Variants in TMEM163 observed in about 807,000 individuals in gnomAD.
TMEM163 encodes transmembrane protein 163.
Under a neutral mutation model 29.3 loss-of-function variants are expected in TMEM163, and 17 were observed. The ratio of observed to expected loss-of-function variants is 0.58; its 90% CI spans 0.40 to 0.87. TMEM163 has a LOEUF of 0.87. TMEM163 is among the 40% of genes least tolerant of loss of function. TMEM163 has a pLI of 0.00. For missense variants in TMEM163, 303 were observed against 381.5 expected (o/e 0.79, Z 1.71); for synonymous variants, 157 against 160.6 (o/e 0.98, Z 0.17).
chr2:134,506,671 G>A (rs1679830953), intron 4 of TMEM163, among the ~76,000 whole-genome samples: 2 of 152,176 alleles, frequency 1.3e-5, no homozygotes, highest in Non-Finnish European at 2.9e-5. Context: ...GAAAGCTCTG[G>A]GCAGCCACAT....
intron 2 of TMEM163, among the ~76,000 whole-genome samples, chr2:134,575,165 G>A (rs1210721409): frequency 6.6e-6 from 1 of 152,150 alleles, no homozygotes; most frequent in Non-Finnish European, 1.5e-5. Flanking sequence ...CACAGCTTGA[G>A]TGGGAAGAAT....
At chr2:134,609,006 C>T (rs1312724112) in intron 2 of TMEM163, among the ~76,000 whole-genome samples, 13 of 97,274 alleles carry the variant, frequency 1.3e-4, no homozygotes, top group Non-Finnish European at 2.5e-4. Context: ...AAGGACAGAC[C>T]CCGAGAACTG....
chr2:134,523,926 A>G (rs1281881055), intron 4 of TMEM163, among the ~76,000 whole-genome samples: 1 of 152,174 alleles, frequency 6.6e-6, no homozygotes, highest in Admixed American at 6.5e-5. Context: ...TGTTGACAGC[A>G]TCTAGTGGGT....
chr2:134,593,941 A>G (rs1243570242), intron 2 of TMEM163, among the ~76,000 whole-genome samples: 1 of 152,020 alleles, frequency 6.6e-6, no homozygotes, highest in Non-Finnish European at 1.5e-5. Context: ...CAGGGGAGGC[A>G]TAGAAACCAA....
intron 2 of TMEM163, among the ~76,000 whole-genome samples, chr2:134,570,489 T>TATACAC (rs780030104): frequency 0.012 from 1,607 of 134,014 alleles, 30 homozygotes; most frequent in African/African-American, 0.057. Flanking sequence ...TACATATACA[T>TATACAC]ATACATATAC....
chr2:134,675,817 T>C (rs1684102805), intron 2 of TMEM163, among the ~76,000 whole-genome samples: 1 of 152,180 alleles, frequency 6.6e-6, no homozygotes, highest in Non-Finnish European at 1.5e-5. Flanking sequence ...AGAAAGGCCA[T>C]GCAAAAGCAA....
intron 2 of TMEM163, among the ~76,000 whole-genome samples, chr2:134,632,090 G>A (rs561354082): frequency 6.6e-6 from 1 of 152,314 alleles, no homozygotes; most frequent in South Asian, 2.1e-4. Context: ...ATACCATGGA[G>A]GAAATAGCCC....
chr2:134,681,347 A>C (rs1684229366), intron 2 of TMEM163, among the ~76,000 whole-genome samples: 1 of 151,918 alleles, frequency 6.6e-6, no homozygotes, highest in African/African-American at 2.4e-5. Flanking sequence ...CCTGCCTCCT[A>C]CCCTCTTCTC....
At chr2:134,491,900 T>C (rs1031061730) in intron 5 of TMEM163, among the ~76,000 whole-genome samples, 4 of 152,128 alleles carry the variant, frequency 2.6e-5, no homozygotes, top group Non-Finnish European at 4.4e-5. Context: ...ATTTCCTAGG[T>C]AACACTCGAA....
At chr2:134,600,349 A>G (rs981378647) in intron 2 of TMEM163, among the ~76,000 whole-genome samples, 6 of 152,184 alleles carry the variant, frequency 3.9e-5, no homozygotes, top group Non-Finnish European at 8.8e-5. Context: ...GGCATAAAAA[A>G]TCTTGTCTAG....
chr2:134,537,368 C>A (rs140278216), intron 4 of TMEM163, among the ~76,000 whole-genome samples: 3 of 152,174 alleles, frequency 2.0e-5, no homozygotes, highest in Non-Finnish European at 2.9e-5. Flanking sequence ...GGTGCCAGCA[C>A]GGTCAGATTC....
intron 5 of TMEM163, among the ~76,000 whole-genome samples, chr2:134,486,509 C>T (rs1166382065): frequency 2.0e-5 from 3 of 152,054 alleles, no homozygotes; most frequent in South Asian, 2.1e-4. Flanking sequence ...CAGATGGATT[C>T]GAGATTTTAC....
chr2:134,465,277 T>C (rs1002941388), intron 6 of TMEM163, among the ~76,000 whole-genome samples: 1 of 151,824 alleles, frequency 6.6e-6, no homozygotes, highest in South Asian at 2.1e-4. Flanking sequence ...AAAACATGTT[T>C]GTGTGTACAT....
chr2:134,493,277 C>T (rs1196483995), intron 5 of TMEM163, among the ~76,000 whole-genome samples: 4 of 141,190 alleles, frequency 2.8e-5, no homozygotes, highest in African/African-American at 5.4e-5. Flanking sequence ...TTGTCATTTT[C>T]TTAGTGGTGT....
intron 2 of TMEM163, among the ~76,000 whole-genome samples, chr2:134,589,820 C>A (rs1470008754): frequency 6.6e-6 from 1 of 152,186 alleles, no homozygotes; most frequent in Non-Finnish European, 1.5e-5. Context: ...TGCACGAGAT[C>A]CAAGAACCCT....
At chr2:134,642,902 T>C (rs1340169903) in intron 2 of TMEM163, among the ~76,000 whole-genome samples, 1 of 152,042 alleles carries the variant, frequency 6.6e-6, no homozygotes, top group Non-Finnish European at 1.5e-5. Flanking sequence ...ATGCTTATCT[T>C]TTTAAAGAAG....
intron 2 of TMEM163, among the ~76,000 whole-genome samples, chr2:134,665,184 A>G (rs1435913072): frequency 1.3e-5 from 2 of 152,186 alleles, no homozygotes; most frequent in African/African-American, 4.8e-5. Context: ...CTGTTCCCAC[A>G]CTGCTAATAA....
chr2:134,650,833 G>T, intron 2 of TMEM163, among the ~76,000 whole-genome samples: 1 of 134,814 alleles, frequency 7.4e-6, no homozygotes, highest in African/African-American at 3.3e-5. Flanking sequence ...TGAGAATGAT[G>T]ATTTCCAATT....
intron 4 of TMEM163, among the ~76,000 whole-genome samples, chr2:134,541,281 A>C (rs967570073): frequency 2.6e-5 from 4 of 152,270 alleles, no homozygotes; most frequent in Non-Finnish European, 5.9e-5. Context: ...CTGCTAACTA[A>C]AGAAATGCAT....
Sources: gnomAD v4.1 joint callset for allele counts (sites outside exome capture counted in the v4.1 genomes callset) on GRCh38, gnomAD v4.1.1 for gene constraint, MANE v1.5 for transcripts, NCBI Gene and HGNC (gene_info 2026-07-23, HGNC 2026-07-21) for gene names.